Variants in STK32B observed in about 807,000 individuals in gnomAD.
The protein encoded by STK32B is serine/threonine kinase 32B, also known as serine/threonine-protein kinase 32B.
Under a neutral mutation model 52.6 loss-of-function variants are expected in STK32B, and 43 were observed. The observed-to-expected ratio is 0.82, with a 90% CI of 0.64 to 1.05. The LOEUF (loss-of-function observed/expected upper bound fraction) is 1.05. Ranked by LOEUF, STK32B falls within the 50% of genes least tolerant of loss-of-function variation. The pLI is 0.00. For missense variants in STK32B, 621 were observed against 534.6 expected, an observed-to-expected ratio of 1.16 and a Z score of -1.59; for synonymous variants, 238 against 204.3, an observed-to-expected ratio of 1.17 and a Z score of -1.41.
intron 1 of STK32B, among the ~76,000 whole-genome samples, chr4:5,067,120 G>A (rs890748168): frequency 6.6e-6 from 1 of 152,292 alleles, no homozygotes; most frequent in East Asian, 1.9e-4. Context: ...TATGGTGGAA[G>A]GCAAAAGGTA....
At chr4:5,422,453 G>A (rs987752699) in intron 6 of STK32B, among the ~76,000 whole-genome samples, 9 of 152,060 alleles carry the variant, frequency 5.9e-5, no homozygotes, top group Admixed American at 2.6e-4. Flanking sequence ...AGATGATCCC[G>A]GAAGAAAAAT....
intron 3 of STK32B, among the ~76,000 whole-genome samples, chr4:5,243,058 C>T (rs983984090): frequency 1.1e-4 from 17 of 152,164 alleles, no homozygotes; most frequent in East Asian, 7.7e-4. Context: ...CTTGGTGATG[C>T]GGGCTCTTTT....
chr4:5,226,181 T>C (rs952009907), intron 3 of STK32B, among the ~76,000 whole-genome samples: 2 of 152,226 alleles, frequency 1.3e-5, no homozygotes, highest in Non-Finnish European at 2.9e-5. Flanking sequence ...ATGACATGCT[T>C]TTATGTTCTG....
chr4:5,200,189 T>G (rs999883910), intron 3 of STK32B, among the ~76,000 whole-genome samples: 1 of 152,170 alleles, frequency 6.6e-6, no homozygotes, highest in Non-Finnish European at 1.5e-5. Flanking sequence ...CAATTACTCT[T>G]AACAGGTTGA....
chr4:5,232,647 A>G (rs552428963), intron 3 of STK32B, among the ~76,000 whole-genome samples: 3 of 152,118 alleles, frequency 2.0e-5, no homozygotes, highest in Non-Finnish European at 4.4e-5. Context: ...GGTGGTGCCA[A>G]TGGTCGGTAA....
chr4:5,142,171 A>G (rs1392515711), intron 2 of STK32B, among the ~76,000 whole-genome samples: 1 of 152,162 alleles, frequency 6.6e-6, no homozygotes, highest in African/African-American at 2.4e-5. Flanking sequence ...TGGGGAGCAA[A>G]GTTGAGTAAG....
chr4:5,412,101 A>G (rs975075512), intron 5 of STK32B, among the ~76,000 whole-genome samples: 2 of 152,150 alleles, frequency 1.3e-5, no homozygotes, highest in Admixed American at 1.3e-4. Flanking sequence ...GAAAGAAGAG[A>G]TGCATGTCTG....
chr4:5,078,338 A>G (rs1233619668), intron 1 of STK32B, among the ~76,000 whole-genome samples: 4 of 152,174 alleles, frequency 2.6e-5, no homozygotes, highest in African/African-American at 7.2e-5. Flanking sequence ...AAGAAATTAG[A>G]ATGGCTTTAG....
At chr4:5,152,087 C>T (rs1200436617) in intron 2 of STK32B, among the ~76,000 whole-genome samples, 1 of 152,200 alleles carries the variant, frequency 6.6e-6, no homozygotes, top group East Asian at 1.9e-4. Flanking sequence ...AAAACTTGCT[C>T]TCAGTTATCA....
At chr4:5,129,314 A>G (rs1227851679) in intron 1 of STK32B, among the ~76,000 whole-genome samples, 4 of 152,040 alleles carry the variant, frequency 2.6e-5, no homozygotes, top group African/African-American at 4.8e-5. Flanking sequence ...TTGGAGTCCA[A>G]CCTAGGTCTG....
At chr4:5,463,476 ACT>A (rs574175625) in intron 9 of STK32B, among the ~76,000 whole-genome samples, 5 of 125,082 alleles carry the variant, frequency 4.0e-5, no homozygotes, top group African/African-American at 1.4e-4. Flanking sequence ...ACACTCACAC[ACT>A]CAGTCACACT....
At chr4:5,431,873 C>G (rs981269148) in intron 6 of STK32B, among the ~76,000 whole-genome samples, 1 of 152,204 alleles carries the variant, frequency 6.6e-6, no homozygotes, top group Admixed American at 6.5e-5. Flanking sequence ...TAAATTACCC[C>G]CCAAAGGATT....
intron 3 of STK32B, among the ~76,000 whole-genome samples, chr4:5,218,640 T>C (rs1006705254): frequency 5.3e-5 from 8 of 152,334 alleles, no homozygotes; most frequent in South Asian, 2.1e-4. Context: ...TACAATTTCA[T>C]AGGAGAGGTG....
At chr4:5,369,823 C>T (rs28722977) in intron 4 of STK32B, among the ~76,000 whole-genome samples, 4,886 of 152,192 alleles carry the variant, frequency 0.032, 99 homozygotes, top group East Asian at 0.075. Flanking sequence ...TTTCCAGATA[C>T]AGGCTAAGAG....
intron 1 of STK32B, among the ~76,000 whole-genome samples, chr4:5,057,516 T>C (rs1742051137): frequency 6.6e-6 from 1 of 152,214 alleles, no homozygotes; most frequent in Non-Finnish European, 1.5e-5. Flanking sequence ...TCCCTGCTTC[T>C]TTCTAGGTAA....
At chr4:5,252,177 T>G (rs887349313) in intron 3 of STK32B, among the ~76,000 whole-genome samples, 2 of 152,174 alleles carry the variant, frequency 1.3e-5, no homozygotes, top group African/African-American at 4.8e-5. Flanking sequence ...TTTTCTATGC[T>G]CAGAGTCACT....
chr4:5,436,585 C>T, intron 6 of STK32B: 1 of 985,388 alleles, frequency 1.0e-6, no homozygotes, highest in African/African-American at 1.7e-5. Context: ...GGAAGCTATG[C>T]TGCTCCTAGG....
At chr4:5,292,044 C>A (rs1011499612) in intron 3 of STK32B, among the ~76,000 whole-genome samples, 5 of 152,054 alleles carry the variant, frequency 3.3e-5, no homozygotes, top group East Asian at 3.9e-4. Context: ...TGATTCCATG[C>A]GATAGGCAGC....
At chr4:5,028,951 C>T in the STK32B span, among the ~76,000 whole-genome samples, 1 of 152,166 alleles carries the variant, frequency 6.6e-6, no homozygotes, top group African/African-American at 2.4e-5. Context: ...GGGAGCACAT[C>T]GCATGGCCGG....
Sources: gnomAD v4.1 joint callset for allele counts (sites outside exome capture counted in the v4.1 genomes callset) on GRCh38, gnomAD v4.1.1 for gene constraint, MANE v1.5 for transcripts, NCBI Gene and HGNC (gene_info 2026-07-23, HGNC 2026-07-21) for gene names.